The following TPR variants were observed in gnomAD, a reference collection of about 807,000 sequenced individuals.
TPR encodes translocated promoter region, nuclear basket protein, also known as nucleoprotein TPR.
TPR carries 51 observed loss-of-function variants against 316.1 expected under a neutral mutation model. That is an observed-to-expected ratio of 0.16 (90% confidence interval 0.13 to 0.20). The LOEUF (loss-of-function observed/expected upper bound fraction) is 0.20. Among genes scored for constraint, TPR ranks in the 10% least tolerant of loss-of-function variants. The pLI is 1.00. For synonymous variants in TPR, 981 were observed against 914.7 expected (o/e 1.07, Z -1.31); for missense variants, 2,272 against 2,754.8 (o/e 0.82, Z 3.92).
rs754584139 is a variant in TPR at position 186,334,288 on chromosome 1, A to C, written c.5182+37T>G. 2.6e-6 allele frequency: 4 copies of C among 1,538,624 alleles called. No homozygotes were observed. In the East Asian group the frequency reaches 9.1e-5, roughly 35 times the overall value. On this transcript the variant is annotated intron_variant, in intron 36 of 50. Transcript: ENST00000367478. ...TGTCATCTTCTCATAATAAATCTAA[A>C]TAAGCAGTCTCATCAGATCTGTATT...
At chr1:186,338,369 C>T in intron 30 of TPR, 126 bp from the exon 31 acceptor site, 2 of 737,264 alleles carry the variant, frequency 2.7e-6, no homozygotes, top group Non-Finnish European at 2.1e-6. Flanking sequence ...AAAAAATACC[C>T]ATATACTTCA....
At position 186,313,290 on chromosome 1, in the gene TPR, C is replaced by T. The variant is rs374971550; in HGVS notation, c.*681G>A. On this transcript the variant is annotated 3_prime_UTR_variant, in exon 51 of 51. Transcript: ENST00000367478. ...TAATTTTATTAATTAAATTATATTA[C>T]TCAGGATGCTTTTCTTTGAAATGCC... 3 of 314,614 alleles carry T rather than the reference C, an allele frequency of 9.5e-6. No individual in the cohort carries two copies. Among genetic ancestry groups the T allele is most frequent in the East Asian group, 5.2e-5 (1 of 19,112 alleles). 19.5% of individuals were successfully genotyped at this position (314,614 alleles called of 1,614,324 possible). A position where few individuals can be genotyped will look rare whatever the true frequency, so the allele number is the denominator to read the frequency against.
intron 21 of TPR, among the ~76,000 whole-genome samples, chr1:186,347,845 G>A (rs185531577): frequency 1.1e-4 from 16 of 152,178 alleles, no homozygotes; most frequent in African/African-American, 2.9e-4. Context: ...AAATTGTGAC[G>A]ATTTCATCTT....
chr1:186,337,586 A>T (rs1052814796), intron 31 of TPR, among the ~76,000 whole-genome samples: 2 of 152,132 alleles, frequency 1.3e-5, no homozygotes, highest in East Asian at 3.8e-4. Flanking sequence ...CTAATCCAAC[A>T]TGAAATAAAT....
intron 45 of TPR, among the ~76,000 whole-genome samples, chr1:186,321,840 A>G (rs1334314246): frequency 6.6e-6 from 1 of 152,240 alleles, no homozygotes; most frequent in Non-Finnish European, 1.5e-5. Context: ...TGTAATTACC[A>G]ACACTTAATC....
Position 186,353,760 on chromosome 1 carries a change from T to C in TPR, c.2262A>G (p.Gln754=). ...TCGTATTGATAATCTGTTCTTGCTT[T>C]TGAGTTGTGGCAGTGAGTTTCTGAT... ...ERNQKLTATT[Q]KQEQIINTMT... The change falls in exon 18 of 51, where the codon CAA becomes CAG. Residue 754 remains glutamine (Q), a synonymous_variant. Transcript: ENST00000367478. 6.2e-7 allele frequency: 1 copy of C among 1,614,184 alleles called. No homozygotes were observed. The highest frequency in any genetic ancestry group is 2.2e-5 in the East Asian group (1 of 44,856).
In TPR at chr1:186,312,018, A is replaced by G; in HGVS notation, c.*1953T>C. 4.9e-6 allele frequency: 3 copies of G among 616,406 alleles called. No homozygotes were observed. The South Asian group carries it at 6.6e-5, about 14-fold the overall frequency. The allele number at this position is 616,406 out of a possible 1,614,324, so 38.2% of individuals were successfully genotyped here. ...GTATTTCAGTTTAATAATTATTTTT[A>G]TAATACCCTTGACTAATAGCCATTA... On this transcript the variant is annotated 3_prime_UTR_variant, in exon 51 of 51. Transcript: ENST00000367478.
At chr1:186,349,727 C>T (rs878868714) in intron 21 of TPR, among the ~76,000 whole-genome samples, 2 of 151,528 alleles carry the variant, frequency 1.3e-5, no homozygotes, top group Non-Finnish European at 1.5e-5. Flanking sequence ...ACAAAGGCTT[C>T]GAACTTGAAA....
intron 14 of TPR, 184 bp from the exon 15 acceptor site, chr1:186,356,633 G>A (rs1659036799): frequency 3.9e-6 from 2 of 513,694 alleles, no homozygotes; most frequent in Non-Finnish European, 6.7e-6. Flanking sequence ...CAGGACTCAG[G>A]TACTTATACT....
chr1:186,363,686 C>T (rs1396457588), intron 4 of TPR, among the ~76,000 whole-genome samples: 1 of 151,976 alleles, frequency 6.6e-6, no homozygotes, highest in Non-Finnish European at 1.5e-5. Context: ...CCAATCCAGG[C>T]AGCCCAGAAA....
Position 186,350,348 on chromosome 1 carries a change from G to C in TPR, c.2651C>G (p.Thr884Arg), listed in dbSNP as rs1261372769. ...LDTKRQLDTE[T>R]NLHLNTKELL... ...TTCTTTTGTGTTAAGATGAAGATTT[G>C]TCTCTGTATCCAGTTGTCTCTTTGT... The change falls in exon 21 of 51, where the codon ACA (threonine) becomes AGA (arginine). Residue 884 changes from threonine to arginine, a missense_variant. Thr to Arg is a moderately conservative substitution (Grantham distance 71, BLOSUM62 -1). Coordinates refer to ENST00000367478, the MANE Select transcript of TPR (RefSeq NM_003292.3). 6.2e-7 allele frequency: 1 copy of C among 1,611,948 alleles called. No homozygotes were observed. Among genetic ancestry groups the C allele is most frequent in the African/African-American group, 1.3e-5 (1 of 74,800 alleles).
In TPR at chr1:186,373,437, T is replaced by G; in HGVS notation, c.178A>C (p.Arg60=). 2 of 1,613,246 alleles carry G rather than the reference T, an allele frequency of 1.2e-6. No homozygotes were observed. The highest frequency in any genetic ancestry group is 1.7e-6 in the Non-Finnish European group (2 of 1,179,652). The change falls in exon 2 of 51, where the codon AGG becomes CGG. Residue 60 remains arginine, a synonymous_variant. Transcript: ENST00000367478. The part of the protein sequence containing the change: ...SEQQYFEIEK[R]LSHSQERLVN... The stretch of plus-strand genomic sequence containing the variant: ...AGTCTCTCCTGACTGTGGGACAACC[T>G]CTTTTCTATTTCAAAATACTGTTGT...
intron 14 of TPR, among the ~76,000 whole-genome samples, chr1:186,357,100 T>G (rs925790893): frequency 2.6e-5 from 4 of 152,090 alleles, no homozygotes; most frequent in Non-Finnish European, 2.9e-5. Flanking sequence ...ACTTAGAGTG[T>G]GGTGCATGAT....
At chr1:186,355,868 C>A in intron 15 of TPR, 100 bp from the exon 16 acceptor site, 1 of 1,363,760 alleles carries the variant, frequency 7.3e-7, no homozygotes, top group Non-Finnish European at 1.0e-6. Context: ...AATAAACAAG[C>A]TAAACTTATT....
At chr1:186,356,670 T>G (rs1259862918) in intron 14 of TPR, 1 of 429,460 alleles carries the variant, frequency 2.3e-6, no homozygotes, top group Non-Finnish European at 4.1e-6. Flanking sequence ...AAAATTTGTT[T>G]GTAAAAATTA....
chr1:186,334,185 C>A, intron 36 of TPR, 140 bp downstream of exon 36: 1 of 887,420 alleles, frequency 1.1e-6, no homozygotes, highest in Non-Finnish European at 1.6e-6. Flanking sequence ...AGAAGTATGT[C>A]CTTCAAATAT....
At position 186,318,612 on chromosome 1, in the gene TPR, A is replaced by C; in HGVS notation, c.6665-9T>G. 1 of 1,604,770 alleles carries C rather than the reference A, an allele frequency of 6.2e-7. No homozygotes were observed. Among genetic ancestry groups the C allele is most frequent in the South Asian group, 1.1e-5 (1 of 88,810 alleles). On this transcript the variant is annotated splice_polypyrimidine_tract_variant and intron_variant, in intron 47 of 50. Transcript: ENST00000367478. ...CTCAGTAAATACAGTCACTTTAAAAAGACAACACAAGAAAAAGAACTTTAA... is the reference window on the plus strand; with the variant it reads ...CTCAGTAAATACAGTCACTTTAAAACGACAACACAAGAAAAAGAACTTTAA...
At position 186,357,621 on chromosome 1, in the gene TPR, A is replaced by G; in HGVS notation, c.1500T>C (p.Ile500=). Residue 500 remains isoleucine, a splice_region_variant and synonymous_variant, in exon 14 of 51, where the codon ATT becomes ATC. Transcript: ENST00000367478. ...CTTCAAGTTCCATCAAAAGCACTCT[A>G]ATCTAAAAACAAAGTTTTAATATGT... is the stretch of plus-strand genomic sequence containing the variant. ...EIQVKDLSQQ[I]RVLLMELEEA... The G allele has an allele frequency of 6.2e-7, 1 of 1,610,326 alleles. No homozygotes were observed. Among genetic ancestry groups the G allele is most frequent in the South Asian group, 1.1e-5 (1 of 90,680 alleles).
chr1:186,374,858 G>C lies in TPR; in HGVS notation c.151+20C>G. ...GGGAGTCGAGCCCAAAACCAAGGACGGAAAGAGCATCTCACTTACCGCTCT... is the reference window on the plus strand; with the variant it reads ...GGGAGTCGAGCCCAAAACCAAGGACCGAAAGAGCATCTCACTTACCGCTCT... On this transcript the variant is annotated intron_variant, in intron 1 of 50. Coordinates refer to ENST00000367478, the MANE Select transcript of TPR (RefSeq NM_003292.3). 6.3e-7 allele frequency: 1 copy of C among 1,580,486 alleles called. No homozygotes were observed. The highest frequency in any genetic ancestry group is 2.3e-5 in the East Asian group (1 of 44,134).
Sources: gnomAD v4.1 joint callset for allele counts (sites outside exome capture counted in the v4.1 genomes callset) on GRCh38, gnomAD v4.1.1 for gene constraint, MANE v1.5 for transcripts, NCBI Gene and HGNC (gene_info 2026-07-23, HGNC 2026-07-21) for gene names.